NRXN1: variants seen among roughly 807,000 people sequenced by gnomAD.
The protein encoded by NRXN1 is neurexin 1.
Under a neutral mutation model 150.9 loss-of-function variants are expected in NRXN1, and 39 were observed. The ratio of observed to expected loss-of-function variants is 0.26; its 90% confidence interval spans 0.20 to 0.34. NRXN1 has a LOEUF of 0.34. NRXN1 is among the 10% of genes least tolerant of loss of function. The pLI is 1.00. For synonymous variants in NRXN1, 924 were observed against 757.0 expected (o/e 1.22, Z -3.62); for missense variants, 1,815 against 1,949.9 (o/e 0.93, Z 1.30).
chr2:50,577,284 A>C (rs1403522163), intron 8 of NRXN1, among the ~76,000 whole-genome samples: 2 of 152,120 alleles, frequency 1.3e-5, no homozygotes, highest in African/African-American at 2.4e-5. Flanking sequence ...AATCCAAAAG[A>C]AAATGTTGTT....
At chr2:50,446,592 T>C (rs569106215) in intron 17 of NRXN1, among the ~76,000 whole-genome samples, 17 of 136,576 alleles carry the variant, frequency 1.2e-4, no homozygotes, top group African/African-American at 4.4e-4. Context: ...CTTCCTTCCT[T>C]CCTCCCTCCC....
chr2:50,284,963 A>G (rs1240089381), intron 17 of NRXN1, among the ~76,000 whole-genome samples: 1 of 152,188 alleles, frequency 6.6e-6, no homozygotes, highest in East Asian at 1.9e-4. Context: ...CTTCTGTATA[A>G]AGACTCAAAA....
intron 18 of NRXN1, among the ~76,000 whole-genome samples, chr2:50,215,620 G>A (rs902212698): frequency 4.0e-5 from 6 of 151,880 alleles, no homozygotes; most frequent in Admixed American, 3.9e-4. Flanking sequence ...AATATGCACA[G>A]TAAAAAGAAT....
At chr2:50,095,119 C>A (rs1700054140) in intron 18 of NRXN1, among the ~76,000 whole-genome samples, 1 of 152,100 alleles carries the variant, frequency 6.6e-6, no homozygotes. Context: ...GTGGGGGCTC[C>A]ACTGTGGCTG....
chr2:50,894,516 T>G (rs998093389), intron 5 of NRXN1, among the ~76,000 whole-genome samples: 5 of 151,952 alleles, frequency 3.3e-5, no homozygotes, highest in Non-Finnish European at 7.4e-5. Flanking sequence ...GAACACTTAA[T>G]TAATATATTC....
At chr2:51,029,890 T>G (rs1420318375) in intron 1 of NRXN1, among the ~76,000 whole-genome samples, 1 of 152,130 alleles carries the variant, frequency 6.6e-6, no homozygotes, top group Non-Finnish European at 1.5e-5. Context: ...CCTAAAAGTG[T>G]AGATCTAACT....
chr2:51,026,939 T>C lies in NRXN1; in HGVS notation c.772+563A>G, dbSNP rs1670583192. 2.0e-5 allele frequency among the ~76,000 whole-genome samples: 3 copies of C among 152,352 alleles called. No individual in the cohort carries two copies. In the South Asian group the frequency reaches 6.2e-4, roughly 32 times the overall value. On this transcript the variant is annotated intron_variant, in intron 2 of 22. Transcript: ENST00000401669. ...AACGAAAAGCAGGTTTTTACCGCTC[T>C]ATCTGCAAAAGGCAGAGCACTGCCC...
chr2:50,584,660 T>G (rs1440781042), intron 8 of NRXN1, among the ~76,000 whole-genome samples: 1 of 152,206 alleles, frequency 6.6e-6, no homozygotes, highest in Non-Finnish European at 1.5e-5. Flanking sequence ...TCCTCATAGT[T>G]TAAGGGTTCT....
In NRXN1 at chr2:50,540,522, T is replaced by A. The variant is rs141286896; in HGVS notation, c.1760-1886A>T. Among the ~76,000 whole-genome samples the A allele has an allele frequency of 5.0e-3, 768 of 152,330 alleles. 6 individuals are homozygous for A. Among genetic ancestry groups the A allele is most frequent in the African/African-American group, 0.017 (723 of 41,578 alleles). ...AAGAAGCGAATAAACAGATGGTCCCTATCCTCTGCAGTAGCTAATGAAAGT... is the reference window on the plus strand; with the variant it reads ...AAGAAGCGAATAAACAGATGGTCCCAATCCTCTGCAGTAGCTAATGAAAGT... On this transcript the variant is annotated intron_variant, in intron 9 of 22. Coordinates refer to ENST00000401669, the MANE Select transcript of NRXN1 (RefSeq NM_001330078.2).
At chr2:49,962,319 G>A (rs1676110441) in intron 21 of NRXN1, among the ~76,000 whole-genome samples, 1 of 152,066 alleles carries the variant, frequency 6.6e-6, no homozygotes. Context: ...ACTGTTAAAT[G>A]TTCTCTTAAC....
rs566111300 is a variant in NRXN1 at position 49,937,732 on chromosome 2, C to G, written c.4216+5972G>C. Among the ~76,000 whole-genome samples the G allele has an allele frequency of 3.3e-5, 5 of 152,276 alleles. No homozygotes were observed. In the South Asian group the frequency reaches 8.3e-4, roughly 25 times the overall value. On this transcript the variant is annotated intron_variant, in intron 22 of 22. Coordinates refer to ENST00000401669, the MANE Select transcript of NRXN1 (RefSeq NM_001330078.2). ...ATTGCTACTGTTTTTCTGGCTGCAG[C>G]TCAAAATCCTCCATTTTGACAGCAA...
intron 5 of NRXN1, chr2:50,917,178 C>T (rs1486117830): frequency 2.6e-5 from 4 of 151,492 alleles, no homozygotes; most frequent in African/African-American, 9.7e-5. Flanking sequence ...TGTATATGCA[C>T]CAAACACAGG....
chr2:50,022,709 T>C (rs1687749401), intron 21 of NRXN1: 1 of 152,216 alleles, frequency 6.6e-6, no homozygotes, highest in Non-Finnish European at 1.5e-5. Context: ...TATAAAAAAA[T>C]CAAATTCTCA....
intron 17 of NRXN1, among the ~76,000 whole-genome samples, chr2:50,306,307 T>G (rs1339158137): frequency 6.6e-6 from 1 of 152,184 alleles, no homozygotes; most frequent in African/African-American, 2.4e-5. Context: ...GATGACTTAT[T>G]AAAGCAATAT....
chr2:49,930,689 ACT>A (rs765076491), intron 22 of NRXN1, among the ~76,000 whole-genome samples: 5 of 152,208 alleles, frequency 3.3e-5, no homozygotes, highest in Non-Finnish European at 7.4e-5. Flanking sequence ...GTTTCCTGTG[ACT>A]CTGTTTCTCT....
At chr2:50,618,064 C>T (rs1236328044) in intron 8 of NRXN1, among the ~76,000 whole-genome samples, 2 of 152,024 alleles carry the variant, frequency 1.3e-5, no homozygotes, top group African/African-American at 4.8e-5. Context: ...TCCCTCGATT[C>T]CCCTTCCTTT....
chr2:50,802,529 G>A (rs978252731), intron 5 of NRXN1, among the ~76,000 whole-genome samples: 1 of 136,790 alleles, frequency 7.3e-6, no homozygotes, highest in Admixed American at 7.7e-5. Context: ...AAGGAAGGAA[G>A]GAAGGAAGGA....
rs1019560602 is a variant in NRXN1, at chr2:50,591,085, T to C, written c.1320+28937A>G. On this transcript the variant is annotated intron_variant, in intron 8 of 22. Transcript: ENST00000401669. ...AACATGCTGCAAAGAAAAAAGAAAG[T>C]GCCCACAGCACTCCAGGGGTTCAAC... 4.6e-5 allele frequency among the ~76,000 whole-genome samples: 7 copies of C among 152,080 alleles called. No individual in the cohort carries two copies. In the East Asian group the frequency reaches 1.3e-3, roughly 29 times the overall value.
chr2:50,869,059 T>C (rs1310906896), intron 5 of NRXN1, among the ~76,000 whole-genome samples: 1 of 151,964 alleles, frequency 6.6e-6, no homozygotes, highest in East Asian at 2.0e-4. Context: ...CAATCCTCTT[T>C]AGGCCTTCAG....
Sources: gnomAD v4.1 joint callset for allele counts (sites outside exome capture counted in the v4.1 genomes callset) on GRCh38, gnomAD v4.1.1 for gene constraint, MANE v1.5 for transcripts, NCBI Gene and HGNC (gene_info 2026-07-23, HGNC 2026-07-21) for gene names.